ADSS2: variants seen among roughly 807,000 people sequenced by gnomAD.
ADSS2 encodes adenylosuccinate synthetase isozyme 2.
A neutral mutation model predicts 60.0 loss-of-function variants in ADSS2; 30 were observed. The observed-to-expected ratio is 0.50, with a 90% CI of 0.37 to 0.68. The LOEUF is 0.68. Among genes scored for constraint, ADSS2 ranks in the 30% least tolerant of loss-of-function variants. The pLI, the probability that ADSS2 is intolerant of heterozygous loss-of-function variation, is 0.00. For synonymous variants in ADSS2, 187 were observed against 193.1 expected, an observed-to-expected ratio of 0.97 and a Z score of 0.26; for missense variants, 373 against 554.8, an observed-to-expected ratio of 0.67 and a Z score of 3.29.
chr1:244,435,196 A>AC (rs1665065251), intron 3 of ADSS2, among the ~76,000 whole-genome samples: 1 of 132,036 alleles, frequency 7.6e-6, no homozygotes, highest in Non-Finnish European at 1.7e-5. Context: ...AAAAAAAAAA[A>AC]ACAAACCTGA....
intron 3 of ADSS2, among the ~76,000 whole-genome samples, chr1:244,434,403 T>A (rs1665032611): frequency 6.6e-6 from 1 of 152,088 alleles, no homozygotes; most frequent in East Asian, 1.9e-4. Context: ...AATCGATGTT[T>A]TTCTTTAAAG....
chr1:244,421,623 A>G (rs1664677539), intron 7 of ADSS2, among the ~76,000 whole-genome samples: 1 of 152,234 alleles, frequency 6.6e-6, no homozygotes, highest in Non-Finnish European at 1.5e-5. Context: ...GGAATTGAAA[A>G]GCCATACTCA....
At chr1:244,411,569 A>G in intron 11 of ADSS2, 133 bp from the exon 12 acceptor site, 1 of 901,534 alleles carries the variant, frequency 1.1e-6, no homozygotes, top group Non-Finnish European at 1.7e-6. Context: ...AGAATTCTTC[A>G]GGTAGTAGAA....
At chr1:244,437,833 C>A in intron 1 of ADSS2, 65 bp from the exon 2 acceptor site, 1 of 1,231,602 alleles carries the variant, frequency 8.1e-7, no homozygotes. Context: ...TATCTCCCTC[C>A]AAAGTGAATT....
chr1:244,451,046 G>A lies in ADSS2; in HGVS notation c.183+589C>T, dbSNP rs1363360029. ...CAGGGCCCTAAAACAACAGTCCAAA[G>A]CCCAGAGGTGGGTGGGTTTGGATGT... On this transcript the variant is annotated intron_variant, in intron 1 of 12. Transcript: ENST00000366535. The surrounding 1 kb of genome is among the most constrained non-coding windows in gnomAD (Gnocchi z 6.6). Among the ~76,000 whole-genome samples the A allele has an allele frequency of 6.6e-6, 1 of 152,186 alleles. No homozygotes were observed. The highest frequency in any genetic ancestry group is 2.4e-5 in the African/African-American group (1 of 41,458).
chr1:244,451,617 G>T lies in ADSS2; in HGVS notation c.183+18C>A. On this transcript the variant is annotated intron_variant, in intron 1 of 12. Transcript: ENST00000366535. This position sits in a 1 kb window ranked among gnomAD's most constrained non-coding sequence, Gnocchi z 6.6. ...AGCTCCCGGGCCCGGCTTCCCATGA[G>T]AGGCCCCGTCGCCTCACCTGGCAGC... The T allele has an allele frequency of 6.3e-7, 1 of 1,598,788 alleles. No individual in the cohort carries two copies. Among genetic ancestry groups the T allele is most frequent in the Non-Finnish European group, 8.5e-7 (1 of 1,171,840 alleles).
chr1:244,420,653 T>A (rs1664653104), intron 7 of ADSS2, among the ~76,000 whole-genome samples: 1 of 152,214 alleles, frequency 6.6e-6, no homozygotes, highest in African/African-American at 2.4e-5. Context: ...TTAAATTTTG[T>A]GAGGTATTTG....
intron 1 of ADSS2, among the ~76,000 whole-genome samples, chr1:244,450,648 T>G (rs766662345): frequency 1.3e-5 from 2 of 152,216 alleles, no homozygotes; most frequent in Non-Finnish European, 2.9e-5. Context: ...ATGCTTTGTT[T>G]TGAAAGTGGT....
chr1:244,412,374 T>C (rs1010033688), intron 11 of ADSS2, among the ~76,000 whole-genome samples: 11 of 152,146 alleles, frequency 7.2e-5, no homozygotes, highest in African/African-American at 1.9e-4. Context: ...CAATCTAAGA[T>C]AGCTGGCACC....
At chr1:244,447,117 C>A (rs1665410712) in intron 1 of ADSS2, among the ~76,000 whole-genome samples, 1 of 152,186 alleles carries the variant, frequency 6.6e-6, no homozygotes, top group Non-Finnish European at 1.5e-5. Flanking sequence ...GCAGGCAATA[C>A]TGAATGTTGA....
intron 1 of ADSS2, among the ~76,000 whole-genome samples, chr1:244,445,379 A>G (rs535722181): frequency 6.6e-6 from 1 of 152,370 alleles, no homozygotes; most frequent in South Asian, 2.1e-4. Context: ...GCTGTCAAGG[A>G]CAATACTTTA....
At chr1:244,411,260 A>C in intron 12 of ADSS2, 27 bp downstream of exon 12, 2 of 1,576,572 alleles carry the variant, frequency 1.3e-6, no homozygotes, top group Non-Finnish European at 1.7e-6. Context: ...AAAAGAAAAA[A>C]CTTATTCACA....
chr1:244,440,336 C>T (rs866202792), intron 1 of ADSS2, among the ~76,000 whole-genome samples: 1 of 151,914 alleles, frequency 6.6e-6, no homozygotes, highest in South Asian at 2.1e-4. Context: ...ATAGGCCCTG[C>T]TAAAAAAAAT....
chr1:244,425,918 T>C (rs1664792962), intron 4 of ADSS2, among the ~76,000 whole-genome samples: 1 of 152,200 alleles, frequency 6.6e-6, no homozygotes, highest in Non-Finnish European at 1.5e-5. Context: ...ATAGTATTTG[T>C]AATATCCCAA....
chr1:244,430,870 C>T (rs1458995874), intron 4 of ADSS2, among the ~76,000 whole-genome samples: 1 of 152,092 alleles, frequency 6.6e-6, no homozygotes, highest in Non-Finnish European at 1.5e-5. Context: ...GCCTGTAATC[C>T]CAGCACTTTG....
intron 10 of ADSS2, 83 bp downstream of exon 10, chr1:244,417,545 T>A: frequency 6.6e-7 from 1 of 1,505,588 alleles, no homozygotes; most frequent in South Asian, 1.2e-5. Context: ...GAAATTTTCC[T>A]ATTAAGGTAC....
At chr1:244,444,827 G>T (rs1391969525) in intron 1 of ADSS2, among the ~76,000 whole-genome samples, 1 of 152,026 alleles carries the variant, frequency 6.6e-6, no homozygotes, top group Non-Finnish European at 1.5e-5. Context: ...TAGAGTTTTG[G>T]AAAACAATTT....
At chr1:244,414,217 A>C (rs975730742) in intron 11 of ADSS2, among the ~76,000 whole-genome samples, 4 of 152,160 alleles carry the variant, frequency 2.6e-5, no homozygotes, top group Non-Finnish European at 5.9e-5. Flanking sequence ...AATAGTCATT[A>C]GGCATAGAAA....
At chr1:244,432,981 A>G (rs1558275952) in intron 3 of ADSS2, among the ~76,000 whole-genome samples, 1 of 152,128 alleles carries the variant, frequency 6.6e-6, no homozygotes, top group Non-Finnish European at 1.5e-5. Context: ...TAACACCTGT[A>G]ATCCCAACAC....
Sources: gnomAD v4.1 joint callset for allele counts (sites outside exome capture counted in the v4.1 genomes callset) on GRCh38, gnomAD v4.1.1 for gene constraint, Gnocchi (gnomAD v3.1) non-coding constraint, MANE v1.5 for transcripts, NCBI Gene and HGNC (gene_info 2026-07-23, HGNC 2026-07-21) for gene names.